Variants in MARCHF1 observed in about 807,000 individuals in gnomAD.
The protein encoded by MARCHF1 is E3 ubiquitin-protein ligase MARCHF1.
MARCHF1 carries 40 observed loss-of-function variants against 54.2 expected under a neutral mutation model. That is an observed-to-expected ratio of 0.74 (90% CI 0.57 to 0.96). The LOEUF (loss-of-function observed/expected upper bound fraction) is 0.96, where lower values mean the gene tolerates loss of function less well. MARCHF1 is among the 40% of genes least tolerant of loss of function. MARCHF1 has a pLI of 0.00. For synonymous variants in MARCHF1, 236 were observed against 236.3 expected, an observed-to-expected ratio of 1.00 and a Z score of 0.01; for missense variants, 586 against 656.5, an observed-to-expected ratio of 0.89 and a Z score of 1.17.
chr4:163,572,703 T>G (rs1023505284), intron 8 of MARCHF1, among the ~76,000 whole-genome samples: 2 of 152,122 alleles, frequency 1.3e-5, no homozygotes, highest in African/African-American at 4.8e-5. Flanking sequence ...TAGGTAAACC[T>G]GTTTTTACTT....
intron 5 of MARCHF1, among the ~76,000 whole-genome samples, chr4:163,644,729 A>G (rs951889907): frequency 6.6e-6 from 1 of 152,116 alleles, no homozygotes; most frequent in African/African-American, 2.4e-5. Context: ...GTTCATCTCA[A>G]CTGTGGCTTG....
At position 163,612,394 on chromosome 4, in the gene MARCHF1, G is replaced by A; in HGVS notation, c.887C>T (p.Thr296Ile). Residue 296 changes from threonine (T) to isoleucine (I), a missense_variant, in exon 7 of 10, where the codon ACT (threonine) becomes ATT (isoleucine). Coordinates refer to ENST00000514618, the MANE Select transcript of MARCHF1 (RefSeq NM_001394959.1). ...GCCTTCTGGAACTCCCAGTATTTCA[G>A]TGCTGGAATCTGTTTCTGAAAATGT... ...KKTFSETDSS[T>I]EILGVPEGSK... 6.5e-7 allele frequency: 1 copy of A among 1,535,398 alleles called. No homozygotes were observed.
At chr4:163,975,764 A>G (rs1036467698) in intron 3 of MARCHF1, among the ~76,000 whole-genome samples, 2 of 152,230 alleles carry the variant, frequency 1.3e-5, no homozygotes, top group Non-Finnish European at 2.9e-5. Context: ...GAGAATCATA[A>G]GGGCCTTAGG....
chr4:164,025,784 C>T (rs75709933), intron 2 of MARCHF1, among the ~76,000 whole-genome samples: 3,082 of 149,640 alleles, frequency 0.021, 39 homozygotes, highest in Non-Finnish European at 0.033. Flanking sequence ...ATCAACGAAA[C>T]CAAGAGTTTT....
At chr4:164,297,859 G>T (rs1734451136) in intron 1 of MARCHF1, among the ~76,000 whole-genome samples, 1 of 152,126 alleles carries the variant, frequency 6.6e-6, no homozygotes, top group Admixed American at 6.5e-5. Context: ...GCAGAAGAAA[G>T]TCAACAAATG....
intron 4 of MARCHF1, among the ~76,000 whole-genome samples, chr4:163,779,058 T>C (rs1293724949): frequency 6.6e-6 from 1 of 152,176 alleles, no homozygotes; most frequent in East Asian, 1.9e-4. Context: ...TTCAAAAATG[T>C]ATTGTCTTTT....
chr4:164,038,642 A>G (rs1754062428), intron 2 of MARCHF1, among the ~76,000 whole-genome samples: 1 of 152,246 alleles, frequency 6.6e-6, no homozygotes, highest in Non-Finnish European at 1.5e-5. Flanking sequence ...TCAATAGAGC[A>G]TAGTCTATCA....
chr4:164,280,939 T>C (rs1333502032), intron 1 of MARCHF1, among the ~76,000 whole-genome samples: 1 of 152,116 alleles, frequency 6.6e-6, no homozygotes, highest in Non-Finnish European at 1.5e-5. Context: ...AGAGAATGAC[T>C]GAGCAATTGT....
At chr4:164,009,857 A>G (rs192079538) in intron 2 of MARCHF1, among the ~76,000 whole-genome samples, 107 of 152,260 alleles carry the variant, frequency 7.0e-4, no homozygotes, top group Admixed American at 1.9e-3. Context: ...AGAAAAACTG[A>G]AAGACTTCCT....
intron 1 of MARCHF1, among the ~76,000 whole-genome samples, chr4:164,254,684 TG>T (rs1733225669): frequency 6.7e-6 from 1 of 149,730 alleles, no homozygotes; most frequent in Non-Finnish European, 1.5e-5. Context: ...CTGAAAAATT[TG>T]GAGTCCGATA....
chr4:163,771,606 C>T (rs775957533), intron 4 of MARCHF1, among the ~76,000 whole-genome samples: 18 of 152,148 alleles, frequency 1.2e-4, no homozygotes, highest in Non-Finnish European at 1.9e-4. Flanking sequence ...CTCTCATGAC[C>T]TAATAACTTC....
chr4:164,348,169 C>G (rs1344236707), intron 1 of MARCHF1, among the ~76,000 whole-genome samples: 1 of 150,618 alleles, frequency 6.6e-6, no homozygotes, highest in Non-Finnish European at 1.5e-5. Flanking sequence ...TAATTGGCAT[C>G]AAAAGAGTAT....
chr4:164,337,847 C>T (rs1483312299), intron 1 of MARCHF1, among the ~76,000 whole-genome samples: 1 of 152,134 alleles, frequency 6.6e-6, no homozygotes, highest in Non-Finnish European at 1.5e-5. Context: ...AAATGAAAGA[C>T]TATCAGCACT....
chr4:164,004,601 A>T (rs1753250217), intron 2 of MARCHF1, among the ~76,000 whole-genome samples: 1 of 152,148 alleles, frequency 6.6e-6, no homozygotes, highest in African/African-American at 2.4e-5. Context: ...GGGCAATTAA[A>T]AAAACTCAAT....
At chr4:164,002,427 T>C (rs1579452281) in intron 2 of MARCHF1, among the ~76,000 whole-genome samples, 1 of 151,198 alleles carries the variant, frequency 6.6e-6, no homozygotes. Flanking sequence ...ATATTTGAAA[T>C]AAAAATTCAC....
intron 1 of MARCHF1, among the ~76,000 whole-genome samples, chr4:164,231,453 G>T (rs1337344793): frequency 6.6e-6 from 1 of 152,032 alleles, no homozygotes; most frequent in Non-Finnish European, 1.5e-5. Flanking sequence ...CTGCAGTCTG[G>T]ATCAAAACAG....
chr4:163,971,561 A>C (rs546429773), intron 3 of MARCHF1, among the ~76,000 whole-genome samples: 5 of 152,320 alleles, frequency 3.3e-5, no homozygotes, highest in Non-Finnish European at 5.9e-5. Flanking sequence ...GTGGGAATGG[A>C]GTAAGTGTTT....
intron 7 of MARCHF1, among the ~76,000 whole-genome samples, chr4:163,610,668 T>C (rs1186512927): frequency 6.6e-6 from 1 of 152,074 alleles, no homozygotes; most frequent in Non-Finnish European, 1.5e-5. Context: ...TCAGCAAACA[T>C]ACATATAGAT....
intron 8 of MARCHF1, among the ~76,000 whole-genome samples, chr4:163,550,281 C>CAAAAAAA (rs60320461): frequency 9.5e-6 from 1 of 105,140 alleles, no homozygotes; most frequent in Non-Finnish European, 2.0e-5. Context: ...GACTCCGTCT[C>CAAAAAAA]AAAAAAAAAA....
Sources: gnomAD v4.1 joint callset for allele counts (sites outside exome capture counted in the v4.1 genomes callset) on GRCh38, gnomAD v4.1.1 for gene constraint, MANE v1.5 for transcripts, NCBI Gene and HGNC (gene_info 2026-07-23, HGNC 2026-07-21) for gene names.